Variants in CIMIP5 observed in about 807,000 individuals in gnomAD.
CIMIP5 encodes the protein ciliary microtubule inner protein 5.
At chr2:11,141,324 T>C in the CIMIP5 span, among the ~76,000 whole-genome samples, 2 of 152,044 alleles carry the variant, frequency 1.3e-5, no homozygotes, top group Non-Finnish European at 2.9e-5. Context: ...AGAGGGGGTT[T>C]CACTATGTTA....
the CIMIP5 span, chr2:11,133,446 GC>G: frequency 6.2e-7 from 1 of 1,610,242 alleles, no homozygotes; most frequent in Non-Finnish European, 8.5e-7. Flanking sequence ...TGGCCCTATG[GC>G]CAGCAGGGGT....
chr2:11,143,208 C>T, the CIMIP5 span, among the ~76,000 whole-genome samples: 2 of 149,536 alleles, frequency 1.3e-5, no homozygotes, highest in Admixed American at 1.3e-4. Context: ...CCATGGAGTA[C>T]AGTTCACACC....
the CIMIP5 span, chr2:11,143,847 G>A: frequency 7.7e-7 from 1 of 1,297,554 alleles, no homozygotes; most frequent in Non-Finnish European, 1.0e-6. Context: ...GCTGCTCTCT[G>A]CTCTGTTTTC....
At chr2:11,151,565 C>T in the CIMIP5 span, among the ~76,000 whole-genome samples, 137,855 of 152,298 alleles carry the variant, frequency 0.91, 62,450 homozygotes, top group East Asian at 1. Flanking sequence ...GAGATTGGAG[C>T]TTAATTATTA....
At chr2:11,143,286 A>G in the CIMIP5 span, among the ~76,000 whole-genome samples, 1 of 152,194 alleles carries the variant, frequency 6.6e-6, no homozygotes, top group Non-Finnish European at 1.5e-5. Flanking sequence ...TGAATCTCAC[A>G]CACATAATGT....
At chr2:11,139,280 A>G in the CIMIP5 span, among the ~76,000 whole-genome samples, 1 of 152,188 alleles carries the variant, frequency 6.6e-6, no homozygotes, top group Admixed American at 6.5e-5. Context: ...GAATGGCATA[A>G]TACAGCAGTA....
the CIMIP5 span, chr2:11,144,667 A>AT: frequency 7.2e-6 from 1 of 139,168 alleles, no homozygotes; most frequent in Non-Finnish European, 1.5e-5. Flanking sequence ...CTATTTCCAC[A>AT]TTTTTTCCAG....
At chr2:11,148,655 T>A in the CIMIP5 span, among the ~76,000 whole-genome samples, 1 of 150,834 alleles carries the variant, frequency 6.6e-6, no homozygotes, top group East Asian at 1.9e-4. Flanking sequence ...CAAATAACAT[T>A]AATAATAATA....
the CIMIP5 span, among the ~76,000 whole-genome samples, chr2:11,134,501 C>G: frequency 6.6e-6 from 1 of 152,222 alleles, no homozygotes; most frequent in Non-Finnish European, 1.5e-5. Flanking sequence ...TCCTCCCAGC[C>G]TCTGGCACCC....
At chr2:11,139,639 G>T in the CIMIP5 span, among the ~76,000 whole-genome samples, 2 of 152,208 alleles carry the variant, frequency 1.3e-5, no homozygotes, top group African/African-American at 4.8e-5. Context: ...GAGGCAGGGC[G>T]AGATGGTAGC....
chr2:11,143,827 A>C, the CIMIP5 span: 744 of 1,123,672 alleles, frequency 6.6e-4, 4 homozygotes, highest in African/African-American at 0.011. Context: ...ATGCTTCACA[A>C]AGAGAGGCAG....
chr2:11,143,958 G>C, the CIMIP5 span: 47 of 1,603,210 alleles, frequency 2.9e-5, no homozygotes, highest in African/African-American at 6.1e-4. Context: ...CAGACCATGT[G>C]CCTCTCTTTT....
the CIMIP5 span, among the ~76,000 whole-genome samples, chr2:11,138,713 G>C: frequency 6.6e-6 from 1 of 151,916 alleles, no homozygotes; most frequent in African/African-American, 2.4e-5. Flanking sequence ...ACCAGATCTG[G>C]TTCTTTTAAA....
the CIMIP5 span, among the ~76,000 whole-genome samples, chr2:11,154,447 C>T: frequency 6.6e-6 from 1 of 152,174 alleles, no homozygotes; most frequent in African/African-American, 2.4e-5. Context: ...AGCTCCCGTC[C>T]CTCACACTTC....
the CIMIP5 span, among the ~76,000 whole-genome samples, chr2:11,138,894 C>A: frequency 6.6e-6 from 1 of 151,972 alleles, no homozygotes; most frequent in Non-Finnish European, 1.5e-5. Flanking sequence ...GCCAATTACA[C>A]CTTCTTTTTT....
At chr2:11,151,326 T>C in the CIMIP5 span, among the ~76,000 whole-genome samples, 6 of 152,364 alleles carry the variant, frequency 3.9e-5, no homozygotes, top group African/African-American at 1.4e-4. Flanking sequence ...GAGACCTGTC[T>C]CAGATATTTT....
the CIMIP5 span, among the ~76,000 whole-genome samples, chr2:11,143,290 A>G: frequency 1.3e-4 from 20 of 152,308 alleles, no homozygotes; most frequent in Admixed American, 7.2e-4. Context: ...TCTCACACAC[A>G]TAATGTTGAG....
the CIMIP5 span, chr2:11,144,676 AG>A: frequency 1.8e-5 from 2 of 113,798 alleles, no homozygotes; most frequent in African/African-American, 2.1e-4. Flanking sequence ...CATTTTTTCC[AG>A]TTTCTCAAGG....
At chr2:11,134,349 G>T in the CIMIP5 span, among the ~76,000 whole-genome samples, 1 of 152,218 alleles carries the variant, frequency 6.6e-6, no homozygotes, top group South Asian at 2.1e-4. Context: ...TTTTCCAAAG[G>T]AGACACCATC....
Sources: allele counts gnomAD v4.1 joint callset (sites outside exome capture counted in the v4.1 genomes callset), GRCh38; gene constraint gnomAD v4.1.1; transcripts MANE v1.5; gene names NCBI Gene and HGNC (gene_info 2026-07-23, HGNC 2026-07-21).